The following PTPRR variants were observed in gnomAD, a reference collection of about 807,000 sequenced individuals.
PTPRR encodes protein tyrosine phosphatase receptor type R.
A neutral mutation model predicts 77.2 loss-of-function variants in PTPRR; 38 were observed. That is an observed-to-expected ratio of 0.49 (90% CI 0.38 to 0.65). The LOEUF (loss-of-function observed/expected upper bound fraction) is 0.65. PTPRR is among the 30% of genes least tolerant of loss of function. The pLI, the probability that PTPRR is intolerant of heterozygous loss-of-function variation, is 0.00. For synonymous variants in PTPRR, 299 were observed against 283.1 expected (o/e 1.06, Z -0.57); for missense variants, 744 against 799.2 (o/e 0.93, Z 0.83).
chr12:70,907,887 C>A (rs1273539981), intron 1 of PTPRR, among the ~76,000 whole-genome samples: 1 of 152,128 alleles, frequency 6.6e-6, no homozygotes, highest in African/African-American at 2.4e-5. Context: ...ACTACACCCT[C>A]TGGGAAAAGG....
At chr12:70,858,542 T>C (rs1892692258) in intron 2 of PTPRR, among the ~76,000 whole-genome samples, 1 of 151,226 alleles carries the variant, frequency 6.6e-6, no homozygotes, top group Admixed American at 6.6e-5. Flanking sequence ...GAGAAAACTA[T>C]CAGGTTTCCT....
At chr12:70,919,586 G>A (rs567436597) in intron 1 of PTPRR, among the ~76,000 whole-genome samples, 7 of 150,626 alleles carry the variant, frequency 4.6e-5, no homozygotes, top group African/African-American at 1.7e-4. Context: ...TTTGGGAGCA[G>A]TCTCACTGTT....
chr12:70,785,407 G>T (rs1592756522), intron 2 of PTPRR, among the ~76,000 whole-genome samples: 2 of 151,998 alleles, frequency 1.3e-5, no homozygotes, highest in East Asian at 1.9e-4. Context: ...ACATTCTTGT[G>T]ATAAAAACTT....
At chr12:70,876,129 CTT>C (rs910001266) in intron 2 of PTPRR, among the ~76,000 whole-genome samples, 3 of 152,052 alleles carry the variant, frequency 2.0e-5, no homozygotes, top group African/African-American at 7.2e-5. Context: ...TTAAAATACT[CTT>C]GGGCTAAAAA....
chr12:70,828,890 A>G (rs1258423022), intron 2 of PTPRR, among the ~76,000 whole-genome samples: 1 of 152,202 alleles, frequency 6.6e-6, no homozygotes, highest in African/African-American at 2.4e-5. Context: ...CTTCTAATTC[A>G]TGATATTTAC....
chr12:70,898,904 C>T (rs929441221), intron 1 of PTPRR, among the ~76,000 whole-genome samples: 9 of 151,362 alleles, frequency 5.9e-5, no homozygotes, highest in Admixed American at 2.0e-4. Context: ...GATATCATTA[C>T]GGACTTAGCA....
intron 2 of PTPRR, among the ~76,000 whole-genome samples, chr12:70,888,601 C>T (rs1164287790): frequency 2.6e-5 from 4 of 152,176 alleles, no homozygotes; most frequent in Non-Finnish European, 5.9e-5. Context: ...TCACACCTCA[C>T]ATTACAGTAG....
At chr12:70,846,325 T>C (rs780457156) in intron 2 of PTPRR, among the ~76,000 whole-genome samples, 2 of 152,192 alleles carry the variant, frequency 1.3e-5, no homozygotes, top group Middle Eastern at 3.4e-3. Context: ...CCTGTAAAAA[T>C]GTGGCTTATG....
Position 70,707,577 on chromosome 12 carries a change from T to G in PTPRR, c.1008-6254A>C, listed in dbSNP as rs150216257. Among the ~76,000 whole-genome samples the G allele has an allele frequency of 3.6e-3, 542 of 152,270 alleles. 7 individuals carry two copies. The highest frequency in any genetic ancestry group is 0.013 in the African/African-American group (520 of 41,562). On this transcript the variant is annotated intron_variant, in intron 6 of 13. Coordinates refer to ENST00000283228, the MANE Select transcript of PTPRR (RefSeq NM_002849.4). ...GTCATTTTCAATTTTTTCACCATTA[T>G]AAACAAAACTGTAATGAACATCCTT... is the stretch of plus-strand genomic sequence containing the variant.
chr12:70,865,092 C>T (rs1892820048), intron 2 of PTPRR, among the ~76,000 whole-genome samples: 1 of 152,148 alleles, frequency 6.6e-6, no homozygotes. Flanking sequence ...GGATTACAGG[C>T]ATGAGCCATT....
chr12:70,911,963 A>G (rs1428935479), intron 1 of PTPRR, among the ~76,000 whole-genome samples: 1 of 152,158 alleles, frequency 6.6e-6, no homozygotes, highest in Non-Finnish European at 1.5e-5. Context: ...ACTCTCAACT[A>G]CTATGGAATT....
At chr12:70,684,068 G>C in intron 10 of PTPRR, 59 bp downstream of exon 10, 1 of 1,549,464 alleles carries the variant, frequency 6.5e-7, no homozygotes, top group South Asian at 1.2e-5. Flanking sequence ...TACTAACACA[G>C]TATCTCTTCT....
intron 2 of PTPRR, among the ~76,000 whole-genome samples, chr12:70,779,937 A>G (rs1242087807): frequency 2.0e-5 from 3 of 152,176 alleles, no homozygotes; most frequent in Non-Finnish European, 1.5e-5. Flanking sequence ...CACTTTGACT[A>G]CTATAACATT....
chr12:70,730,724 T>A (rs1256012052), intron 6 of PTPRR, among the ~76,000 whole-genome samples: 1 of 151,600 alleles, frequency 6.6e-6, no homozygotes, highest in Non-Finnish European at 1.5e-5. Context: ...CTTAGGAGGC[T>A]GGGGCGAGTG....
chr12:70,795,416 A>G (rs1891494247), intron 2 of PTPRR, among the ~76,000 whole-genome samples: 1 of 152,220 alleles, frequency 6.6e-6, no homozygotes, highest in African/African-American at 2.4e-5. Flanking sequence ...AAAGCCACAA[A>G]TGAAAATTTC....
rs116690549 is a variant in PTPRR, at chr12:70,751,018, C to T, written c.738+3173G>A. 7.4e-3 allele frequency among the ~76,000 whole-genome samples: 1,131 copies of T among 151,908 alleles called. 19 individuals carry two copies. Among genetic ancestry groups the T allele is most frequent in the African/African-American group, 0.026 (1,060 of 41,420 alleles). On this transcript the variant is annotated intron_variant, in intron 5 of 13. Transcript: ENST00000283228. ...GCCTCCCAAGTGCAGGGATTACAGG[C>T]GTGAGCCACTGCACTTGGTCCCCCT...
chr12:70,787,579 T>C (rs1891349042), intron 2 of PTPRR, among the ~76,000 whole-genome samples: 1 of 150,664 alleles, frequency 6.6e-6, no homozygotes, highest in African/African-American at 2.4e-5. Context: ...AAAACTTTCC[T>C]TTCCCTTTAG....
intron 2 of PTPRR, among the ~76,000 whole-genome samples, chr12:70,777,139 A>G (rs750304791): frequency 3.3e-5 from 5 of 152,074 alleles, no homozygotes; most frequent in African/African-American, 4.8e-5. Flanking sequence ...TCACTAATAT[A>G]TCTGAGATAG....
rs150193859 is a variant in PTPRR at position 70,852,619 on chromosome 12, A to G, written c.357+40060T>C. Among the ~76,000 whole-genome samples the G allele has an allele frequency of 6.3e-4, 96 of 152,308 alleles. 1 individual carries two copies. The highest frequency in any genetic ancestry group is 2.2e-3 in the African/African-American group (93 of 41,572). On this transcript the variant is annotated intron_variant, in intron 2 of 13. Coordinates refer to ENST00000283228, the MANE Select transcript of PTPRR (RefSeq NM_002849.4). ...AGCTTAAATCAGCCCCTGAGGAGCC[A>G]CCAGATGGATTGTGAGAATTTAGAA...
Sources: gnomAD v4.1 joint callset for allele counts (sites outside exome capture counted in the v4.1 genomes callset) on GRCh38, gnomAD v4.1.1 for gene constraint, MANE v1.5 for transcripts, NCBI Gene and HGNC (gene_info 2026-07-23, HGNC 2026-07-21) for gene names.